SLC10A7: variants seen among roughly 807,000 people sequenced by gnomAD.
SLC10A7 encodes the protein sodium/bile acid cotransporter 7.
Under a neutral mutation model 43.2 loss-of-function variants are expected in SLC10A7, and 29 were observed. The ratio of observed to expected loss-of-function variants is 0.67; its 90% CI spans 0.50 to 0.92. The LOEUF (loss-of-function observed/expected upper bound fraction) is 0.92. Among genes scored for constraint, SLC10A7 ranks in the 40% least tolerant of loss-of-function variants. The pLI, the probability that SLC10A7 is intolerant of heterozygous loss-of-function variation, is 0.00. For missense variants in SLC10A7, 295 were observed against 403.2 expected (o/e 0.73, Z 2.30); for synonymous variants, 152 against 144.8 (o/e 1.05, Z -0.35).
At chr4:146,265,908 A>C (rs1273554185) in intron 10 of SLC10A7, among the ~76,000 whole-genome samples, 2 of 152,214 alleles carry the variant, frequency 1.3e-5, no homozygotes, top group Non-Finnish European at 2.9e-5. Flanking sequence ...TAAGCAAGAA[A>C]ATGTATTGAA....
intron 5 of SLC10A7, among the ~76,000 whole-genome samples, chr4:146,330,794 C>T (rs1481998561): frequency 6.6e-6 from 1 of 152,058 alleles, no homozygotes; most frequent in Non-Finnish European, 1.5e-5. Context: ...TGTGCCTTTG[C>T]CAGAGAATCT....
At chr4:146,515,204 A>G in intron 2 of SLC10A7, 1 of 702,098 alleles carries the variant, frequency 1.4e-6, no homozygotes, top group Non-Finnish European at 2.6e-6. Context: ...GGCACAAGTA[A>G]CAGCTGTAGC....
In SLC10A7 at chr4:146,466,343, T is replaced by G. The variant is rs568727849; in HGVS notation, c.397-23522A>C. Among the ~76,000 whole-genome samples the G allele has an allele frequency of 3.3e-5, 5 of 152,334 alleles. No homozygotes were observed. The South Asian group carries it at 1.0e-3, about 32-fold the overall frequency. ...ATGAGATTTAAAAGAGTAAAAGCAC[T>G]GATACAAGTATAAAAACAAATTGCT... On this transcript the variant is annotated intron_variant, in intron 4 of 11. Transcript: ENST00000335472.
chr4:146,396,054 T>C (rs2149810398), intron 5 of SLC10A7, among the ~76,000 whole-genome samples: 1 of 152,308 alleles, frequency 6.6e-6, no homozygotes, highest in South Asian at 2.1e-4. Flanking sequence ...CCTTCCAATA[T>C]TAATTATTTC....
chr4:146,488,655 T>A (rs916765460), intron 4 of SLC10A7, among the ~76,000 whole-genome samples: 1 of 152,226 alleles, frequency 6.6e-6, no homozygotes, highest in African/African-American at 2.4e-5. Flanking sequence ...CTTCTAAGCA[T>A]TCGAAGTCTT....
intron 4 of SLC10A7, among the ~76,000 whole-genome samples, chr4:146,496,766 C>T (rs541470971): frequency 2.0e-5 from 3 of 152,232 alleles, no homozygotes; most frequent in South Asian, 2.1e-4. Flanking sequence ...CCAAAAACTT[C>T]GGGTAAATAA....
At chr4:146,407,791 C>T (rs963531583) in intron 5 of SLC10A7, among the ~76,000 whole-genome samples, 1 of 152,128 alleles carries the variant, frequency 6.6e-6, no homozygotes. Context: ...TTAGTCTAAA[C>T]CAGTCACATT....
intron 4 of SLC10A7, among the ~76,000 whole-genome samples, chr4:146,479,006 T>C (rs1734248742): frequency 6.6e-6 from 1 of 152,212 alleles, no homozygotes; most frequent in Admixed American, 6.5e-5. Context: ...AATTGCCATT[T>C]GTTATACAAA....
chr4:146,414,574 A>T (rs1393162607), intron 5 of SLC10A7, among the ~76,000 whole-genome samples: 2 of 152,062 alleles, frequency 1.3e-5, no homozygotes, highest in African/African-American at 2.4e-5. Flanking sequence ...AAATACAAAA[A>T]TTAGCCAGGT....
At position 146,377,136 on chromosome 4, in the gene SLC10A7, A is replaced by G. The variant is rs577421080; in HGVS notation, c.436-51140T>C. On this transcript the variant is annotated intron_variant, in intron 5 of 11. Coordinates refer to ENST00000335472, the MANE Select transcript of SLC10A7 (RefSeq NM_001029998.6). ...CTAGCAGATATTTAAGAATGTTAGC[A>G]CAGGTCTTTGAATAAATTTTGTTTT... Among the ~76,000 whole-genome samples the G allele has an allele frequency of 2.6e-5, 4 of 152,310 alleles. No individual in the cohort carries two copies. The South Asian group carries it at 8.3e-4, about 32-fold the overall frequency.
intron 6 of SLC10A7, among the ~76,000 whole-genome samples, chr4:146,320,935 A>T (rs779271932): frequency 5.3e-5 from 8 of 152,084 alleles, no homozygotes; most frequent in Non-Finnish European, 5.9e-5. Flanking sequence ...TGGCAGAAAC[A>T]TGAATCAGAG....
chr4:146,285,820 G>C (rs2111132988), intron 9 of SLC10A7, among the ~76,000 whole-genome samples: 1 of 152,104 alleles, frequency 6.6e-6, no homozygotes, highest in African/African-American at 2.4e-5. Flanking sequence ...GAGAAAGACT[G>C]TGTTTGGAGT....
chr4:146,425,061 C>T (rs1303908194), intron 5 of SLC10A7, among the ~76,000 whole-genome samples: 4 of 152,112 alleles, frequency 2.6e-5, no homozygotes, highest in African/African-American at 9.7e-5. Flanking sequence ...AAATCATGAG[C>T]ACTTTTCAAT....
intron 2 of SLC10A7, chr4:146,514,393 C>A (rs887999557): frequency 2.0e-5 from 3 of 152,136 alleles, no homozygotes; most frequent in African/African-American, 7.2e-5. Flanking sequence ...AGTGACAAAG[C>A]CTCTGAAACT....
At chr4:146,421,947 C>A (rs1475499979) in intron 5 of SLC10A7, among the ~76,000 whole-genome samples, 1 of 152,096 alleles carries the variant, frequency 6.6e-6, no homozygotes, top group African/African-American at 2.4e-5. Context: ...TATATTTTGT[C>A]TTGTGTTTCT....
intron 4 of SLC10A7, among the ~76,000 whole-genome samples, chr4:146,461,328 T>C (rs568319881): frequency 6.6e-6 from 1 of 152,180 alleles, no homozygotes; most frequent in Admixed American, 6.6e-5. Context: ...AGTTTATTCA[T>C]TTCATTAAGT....
chr4:146,304,234 T>A (rs1731374806), intron 7 of SLC10A7, among the ~76,000 whole-genome samples: 1 of 151,134 alleles, frequency 6.6e-6, no homozygotes, highest in African/African-American at 2.4e-5. Context: ...TTAAATTGTT[T>A]ATCAATTACA....
chr4:146,510,709 T>A (rs1382690645), intron 2 of SLC10A7, among the ~76,000 whole-genome samples: 2 of 152,170 alleles, frequency 1.3e-5, no homozygotes, highest in African/African-American at 4.8e-5. Flanking sequence ...GCATGTATGT[T>A]TACCTACATA....
chr4:146,314,511 T>C (rs1434682936), intron 6 of SLC10A7, among the ~76,000 whole-genome samples: 2 of 152,140 alleles, frequency 1.3e-5, no homozygotes, highest in Non-Finnish European at 2.9e-5. Flanking sequence ...AACCAAGTCA[T>C]ATAAAACCAG....
Sources: gnomAD v4.1 joint callset for allele counts (sites outside exome capture counted in the v4.1 genomes callset) on GRCh38, gnomAD v4.1.1 for gene constraint, MANE v1.5 for transcripts, NCBI Gene and HGNC (gene_info 2026-07-23, HGNC 2026-07-21) for gene names.